LGSN: variants seen among roughly 807,000 people sequenced by gnomAD.
LGSN encodes the protein lengsin.
Under a neutral mutation model 19.5 loss-of-function variants are expected in LGSN, and 21 were observed. That is an observed-to-expected ratio of 1.07 (90% CI 0.76 to 1.55). The LOEUF is 1.55. Among genes scored for constraint, LGSN ranks in the 40% most tolerant of loss-of-function variants. The pLI, the probability that LGSN is intolerant of heterozygous loss-of-function variation, is 0.00. For missense variants in LGSN, 673 were observed against 608.5 expected (o/e 1.11, Z -1.12); for synonymous variants, 257 against 215.6 (o/e 1.19, Z -1.68).
At chr6:63,361,413 T>C in the LGSN span, among the ~76,000 whole-genome samples, 19,874 of 152,070 alleles carry the variant, frequency 0.13, 2,868 homozygotes, top group African/African-American at 0.36. Context: ...GACTGCTGTG[T>C]TGGTGATGAG....
chr6:63,554,331 G>C, the LGSN span, among the ~76,000 whole-genome samples: 1 of 152,186 alleles, frequency 6.6e-6, no homozygotes, highest in African/African-American at 2.4e-5. Flanking sequence ...AATACTGGGA[G>C]TATCTTGTCC....
At chr6:63,324,281 GA>G (rs1769176331), upstream of LGSN, among the ~76,000 whole-genome samples, 1 of 152,178 alleles carries the variant, frequency 6.6e-6, no homozygotes, top group African/African-American at 2.4e-5. Flanking sequence ...ACAACCAGCA[GA>G]TTAAAGACTT....
At chr6:63,524,906 C>A in the LGSN span, among the ~76,000 whole-genome samples, 1 of 152,074 alleles carries the variant, frequency 6.6e-6, no homozygotes. Context: ...TTTGAAGATA[C>A]CTCAGAGGCA....
the LGSN span, among the ~76,000 whole-genome samples, chr6:63,537,175 T>A: frequency 1.3e-5 from 2 of 152,168 alleles, no homozygotes; most frequent in Middle Eastern, 3.2e-3. Flanking sequence ...TTACAAGTAT[T>A]TTTAAGAGGG....
chr6:63,505,309 T>A, the LGSN span, among the ~76,000 whole-genome samples: 3 of 151,658 alleles, frequency 2.0e-5, no homozygotes, highest in Admixed American at 6.6e-5. Context: ...GGGCGTAGTG[T>A]CTCACATCTG....
At chr6:63,540,045 C>A in the LGSN span, among the ~76,000 whole-genome samples, 1 of 152,078 alleles carries the variant, frequency 6.6e-6, no homozygotes, top group African/African-American at 2.4e-5. Context: ...TCTAGAGTTT[C>A]TTGGTCAAAT....
At chr6:63,433,246 C>T in the LGSN span, among the ~76,000 whole-genome samples, 1 of 152,192 alleles carries the variant, frequency 6.6e-6, no homozygotes, top group Non-Finnish European at 1.5e-5. Flanking sequence ...TTCCTGTCTA[C>T]TTTCAGGATA....
chr6:63,412,529 G>GAAAGAAAGAAGGAAAGAAAGAAA, the LGSN span, among the ~76,000 whole-genome samples: 38 of 32,376 alleles, frequency 1.2e-3, no homozygotes, highest in East Asian at 4.1e-3. Context: ...AAAGAAAGAA[G>GAAAGAAAGAAGGAAAGAAAGAAA]GAAAGAAAGA....
At chr6:63,355,477 ACT>A in the LGSN span, among the ~76,000 whole-genome samples, 1 of 152,218 alleles carries the variant, frequency 6.6e-6, no homozygotes, top group African/African-American at 2.4e-5. Context: ...ATAACCAAGT[ACT>A]GTAAACTGGG....
chr6:63,310,848 G>C (rs1768598646), intron 1 of LGSN, among the ~76,000 whole-genome samples: 1 of 152,194 alleles, frequency 6.6e-6, no homozygotes, highest in Non-Finnish European at 1.5e-5. Flanking sequence ...TTCGATGCAA[G>C]GCATGAGCAG....
At chr6:63,460,821 C>T in the LGSN span, among the ~76,000 whole-genome samples, 2 of 152,264 alleles carry the variant, frequency 1.3e-5, no homozygotes, top group East Asian at 3.9e-4. Flanking sequence ...TGGCTGTTCT[C>T]TTCTGTTCTA....
the LGSN span, among the ~76,000 whole-genome samples, chr6:63,477,713 TTG>T: frequency 7.3e-6 from 1 of 136,220 alleles, no homozygotes; most frequent in Non-Finnish European, 1.5e-5. Context: ...TTTTTTTTTT[TTG>T]TAGAGATGGG....
intron 1 of LGSN, among the ~76,000 whole-genome samples, chr6:63,316,246 T>C (rs1768848309): frequency 1.3e-5 from 2 of 152,152 alleles, no homozygotes; most frequent in Admixed American, 1.3e-4. Context: ...CAACGATCAT[T>C]ACTGAGAGCT....
At chr6:63,534,353 G>T in the LGSN span, among the ~76,000 whole-genome samples, 2 of 152,082 alleles carry the variant, frequency 1.3e-5, no homozygotes, top group African/African-American at 4.8e-5. Context: ...TAGGAGCAAT[G>T]GTTCTCTGAG....
At chr6:63,372,400 G>A in the LGSN span, among the ~76,000 whole-genome samples, 3 of 152,162 alleles carry the variant, frequency 2.0e-5, no homozygotes, top group African/African-American at 7.2e-5. Flanking sequence ...ACTGAGTGAT[G>A]CTACTGTCTT....
At chr6:63,373,539 T>C in the LGSN span, among the ~76,000 whole-genome samples, 1 of 152,114 alleles carries the variant, frequency 6.6e-6, no homozygotes, top group Admixed American at 6.6e-5. Flanking sequence ...ACAAAATAAC[T>C]GGCCTGTAAT....
the LGSN span, among the ~76,000 whole-genome samples, chr6:63,518,326 T>G: frequency 2.0e-4 from 30 of 152,302 alleles, no homozygotes; most frequent in African/African-American, 6.7e-4. Flanking sequence ...TTACTTTTCT[T>G]GTTACTTGTA....
chr6:63,497,614 T>C, the LGSN span, among the ~76,000 whole-genome samples: 11 of 152,098 alleles, frequency 7.2e-5, no homozygotes, highest in East Asian at 1.5e-3. Flanking sequence ...AAGAGAAAGT[T>C]GGCATAGGAA....
the LGSN span, among the ~76,000 whole-genome samples, chr6:63,337,760 C>T: frequency 9.2e-5 from 14 of 152,026 alleles, no homozygotes; most frequent in Non-Finnish European, 1.9e-4. Flanking sequence ...GCCATGGTTG[C>T]ACCACTGCAC....
Sources: allele counts gnomAD v4.1 joint callset (sites outside exome capture counted in the v4.1 genomes callset), GRCh38; gene constraint gnomAD v4.1.1; transcripts MANE v1.5; gene names NCBI Gene and HGNC (gene_info 2026-07-23, HGNC 2026-07-21).